The following JPH4 variants were observed in gnomAD, a reference collection of about 807,000 sequenced individuals.
JPH4 encodes junctophilin 4, also known as junctophilin-4.
JPH4 carries 18 observed loss-of-function variants against 57.6 expected under a neutral mutation model. The ratio of observed to expected loss-of-function variants is 0.31; its 90% CI spans 0.22 to 0.46. The LOEUF is 0.46. Ranked by LOEUF, JPH4 falls within the 20% of genes least tolerant of loss-of-function variation. The probability of loss-of-function intolerance (pLI) is 1.00; values close to 1 mark genes in which losing one functional copy is unlikely to be tolerated. For synonymous variants in JPH4, 425 were observed against 406.6 expected, an observed-to-expected ratio of 1.05 and a Z score of -0.54; for missense variants, 727 against 911.1, an observed-to-expected ratio of 0.80 and a Z score of 2.60.
rs981112886 is a variant in JPH4 at position 23,576,377 on chromosome 14, C to T, written c.459G>A (p.Ala153=). ...VRQSVPYHQA[A]LLRSPRRTSL... ...AGGTGCGGCGGGGCGAGCGCAGCAGCGCCGCCTGATGGTAGGGCACACTCT... is the reference window on the plus strand; with the variant it reads ...AGGTGCGGCGGGGCGAGCGCAGCAGTGCCGCCTGATGGTAGGGCACACTCT... The change falls in exon 3 of 6, where the codon GCG becomes GCA. Residue 153 remains alanine, a synonymous_variant. Coordinates refer to ENST00000356300, the MANE Select transcript of JPH4 (RefSeq NM_001146028.2). The surrounding 1 kb of genome is among the most constrained non-coding windows in gnomAD (Gnocchi z 8.0). 5.1e-6 allele frequency: 7 copies of T among 1,369,248 alleles called. No individual in the cohort carries two copies. Among genetic ancestry groups the T allele is most frequent in the Non-Finnish European group, 5.6e-6 (6 of 1,066,018 alleles). The allele number at this position is 1,369,248 out of a possible 1,614,324, so 84.8% of individuals were successfully genotyped here. A position where few individuals can be genotyped will look rare whatever the true frequency, so the allele number is the denominator to read the frequency against.
At chr14:23,572,031 T>C in intron 3 of JPH4, 111 bp from the exon 4 acceptor site, 1 of 893,906 alleles carries the variant, frequency 1.1e-6, no homozygotes, top group East Asian at 2.6e-5. Flanking sequence ...CATCCTCCTC[T>C]CCTCTGGAGT....
In JPH4 at chr14:23,573,569, T is replaced by C. The variant is rs780792553; in HGVS notation, c.1152-1649A>G. Among the ~76,000 whole-genome samples the C allele has an allele frequency of 3.3e-5, 5 of 152,192 alleles. No individual in the cohort carries two copies. The East Asian group carries it at 9.6e-4, about 29-fold the overall frequency. Reference sequence around the variant, plus strand: ...GTATGGATGATCAAGTCCCACACAGTAGACTTAGTCTGTGCTCAGGCATCA... The same window carrying C: ...GTATGGATGATCAAGTCCCACACAGCAGACTTAGTCTGTGCTCAGGCATCA... On this transcript the variant is annotated intron_variant, in intron 3 of 5. Coordinates refer to ENST00000356300, the MANE Select transcript of JPH4 (RefSeq NM_001146028.2).
chr14:23,569,276 G>A lies in JPH4; in HGVS notation c.*358C>T, dbSNP rs895650332. 6.7e-6 allele frequency: 2 copies of A among 298,716 alleles called. No homozygotes were observed. Among genetic ancestry groups the A allele is most frequent in the East Asian group, 1.1e-4 (1 of 9,124 alleles). The allele number at this position is 298,716 out of a possible 1,614,324, so 18.5% of individuals were successfully genotyped here. ...AACCCCCACCCGCAGCGAAGTTGAGGTCTAAAGAAAAGGTGGGAGGGCGTG... is the reference window on the plus strand; with the variant it reads ...AACCCCCACCCGCAGCGAAGTTGAGATCTAAAGAAAAGGTGGGAGGGCGTG... On this transcript the variant is annotated 3_prime_UTR_variant, in exon 6 of 6. Transcript: ENST00000356300. This position sits in a 1 kb window ranked among gnomAD's most constrained non-coding sequence, Gnocchi z 4.8.
chr14:23,576,304 G>C lies in JPH4; in HGVS notation c.532C>G (p.Pro178Ala). ...CTGCCTCCCTCGTCGCCCGGCAAGG[G>C]CAGGGGCGGGGGTGGCGTCGGGGGG... ...SDPPTPPPPL[P>A]LPGDEGGSPA... The change falls in exon 3 of 6, where the codon CCC becomes GCC. Residue 178 changes from proline to alanine, a missense_variant. By Grantham distance (27) the Pro-to-Ala change is conservative (BLOSUM62 -1). Transcript: ENST00000356300. This position sits in a 1 kb window ranked among gnomAD's most constrained non-coding sequence, Gnocchi z 8.0. 1 of 1,283,080 alleles carries C rather than the reference G, an allele frequency of 7.8e-7. No homozygotes were observed. The allele number at this position is 1,283,080 out of a possible 1,614,324, so 79.5% of individuals were successfully genotyped here.
In JPH4 at chr14:23,576,275, G is replaced by T. The variant is rs1209762534; in HGVS notation, c.561C>A (p.Pro187=). 26 of 1,264,740 alleles carry T rather than the reference G, an allele frequency of 2.1e-5. No homozygotes were observed. Among genetic ancestry groups the T allele is most frequent in the East Asian group, 3.2e-5 (1 of 31,700 alleles). The allele number at this position is 1,264,740 out of a possible 1,614,324, so 78.3% of individuals were successfully genotyped here. ...LPLPGDEGGS[P]ASGSRGGFVL... The stretch of plus-strand genomic sequence containing the variant: ...CGAAGCCGCCCCGGGAGCCCGAGGC[G>T]GGGCTGCCTCCCTCGTCGCCCGGCA... The change falls in exon 3 of 6, where the codon CCC becomes CCA. Residue 187 remains proline (P), a synonymous_variant. Coordinates refer to ENST00000356300, the MANE Select transcript of JPH4 (RefSeq NM_001146028.2). This position sits in a 1 kb window ranked among gnomAD's most constrained non-coding sequence, Gnocchi z 8.0.
In JPH4 at chr14:23,577,563, A is replaced by C; in HGVS notation, c.-110T>G. On this transcript the variant is annotated 5_prime_UTR_variant, in exon 2 of 6. Coordinates refer to ENST00000356300, the MANE Select transcript of JPH4 (RefSeq NM_001146028.2). The surrounding 1 kb of genome is among the most constrained non-coding windows in gnomAD (Gnocchi z 8.4). ...GAGGCCTCGGGGCGGGGGCAGTTAG[A>C]CCGGGGCCGGGCGGGGGGGCCCCAG... 3.8e-5 allele frequency: 33 copies of C among 861,156 alleles called. No homozygotes were observed. Among genetic ancestry groups the C allele is most frequent in the Non-Finnish European group, 5.1e-5 (32 of 621,508 alleles). 53.3% of individuals were successfully genotyped at this position (861,156 alleles called of 1,614,324 possible).
At position 23,576,802 on chromosome 14, in the gene JPH4, G is replaced by T. The variant is rs1348080098; in HGVS notation, c.379+273C>A. On this transcript the variant is annotated intron_variant, in intron 2 of 5. Coordinates refer to ENST00000356300, the MANE Select transcript of JPH4 (RefSeq NM_001146028.2). This position sits in a 1 kb window ranked among gnomAD's most constrained non-coding sequence, Gnocchi z 8.0. ...GAGGGGCACGCCGACCCGACGGAGA[G>T]CAGAGGTGTTGGGGACAGGCAGGTA... 6.6e-6 allele frequency among the ~76,000 whole-genome samples: 1 copy of T among 152,224 alleles called. No homozygotes were observed. Among genetic ancestry groups the T allele is most frequent in the Non-Finnish European group, 1.5e-5 (1 of 68,036 alleles).
chr14:23,576,274 C>T lies in JPH4; in HGVS notation c.562G>A (p.Ala188Thr). 1 of 1,265,362 alleles carries T rather than the reference C, an allele frequency of 7.9e-7. No individual in the cohort carries two copies. Among genetic ancestry groups the T allele is most frequent in the South Asian group, 2.9e-5 (1 of 34,206 alleles). 78.4% of individuals were successfully genotyped at this position (1,265,362 alleles called of 1,614,324 possible). Reference sequence around the variant, plus strand: ...ACGAAGCCGCCCCGGGAGCCCGAGGCGGGGCTGCCTCCCTCGTCGCCCGGC... The same window carrying T: ...ACGAAGCCGCCCCGGGAGCCCGAGGTGGGGCTGCCTCCCTCGTCGCCCGGC... ...PLPGDEGGSP[A>T]SGSRGGFVLA... The change falls in exon 3 of 6, where the codon GCC becomes ACC. Residue 188 changes from alanine (A) to threonine (T), a missense_variant. Coordinates refer to ENST00000356300, the MANE Select transcript of JPH4 (RefSeq NM_001146028.2). The surrounding 1 kb of genome is among the most constrained non-coding windows in gnomAD (Gnocchi z 8.0).
At chr14:23,572,297 T>A (rs1889172279) in intron 3 of JPH4, among the ~76,000 whole-genome samples, 1 of 151,892 alleles carries the variant, frequency 6.6e-6, no homozygotes, top group Admixed American at 6.6e-5. Flanking sequence ...TTTTAGCACA[T>A]CCCCTGCAGT....
Position 23,576,103 on chromosome 14 carries a change from GCAGGGAGCCTCGCTTGCTGCC to G in JPH4, c.712_732del (p.Gly238_Leu244del). The G allele has an allele frequency of 7.7e-7, 1 of 1,300,016 alleles. No homozygotes were observed. The highest frequency in any genetic ancestry group is 2.3e-5 in the South Asian group (1 of 43,138). The allele number at this position is 1,300,016 out of a possible 1,614,324, so 80.5% of individuals were successfully genotyped here. ...CCCACCTCGCTGCTCACCTCGCTGC[GCAGGGAGCCTCGCTTGCTGCC>G]CAGGGAGCTGCGACGTCCGCCCGCT... On this transcript the variant is annotated inframe_deletion, in exon 3 of 6. Transcript: ENST00000356300. This position sits in a 1 kb window ranked among gnomAD's most constrained non-coding sequence, Gnocchi z 8.0.
In JPH4 at chr14:23,571,734, C is replaced by A; in HGVS notation, c.1270+68G>T. Reference sequence around the variant, plus strand: ...CCCTTGCAGGGCTTCTCATCTGTTTCCCCACACCTGAGCCTCTCTAGCTCC... The same window carrying A: ...CCCTTGCAGGGCTTCTCATCTGTTTACCCACACCTGAGCCTCTCTAGCTCC... On this transcript the variant is annotated intron_variant, in intron 4 of 5. Transcript: ENST00000356300. The surrounding 1 kb of genome is among the most constrained non-coding windows in gnomAD (Gnocchi z 4.6). 7.1e-7 allele frequency: 1 copy of A among 1,412,596 alleles called. No homozygotes were observed. Among genetic ancestry groups the A allele is most frequent in the Non-Finnish European group, 9.9e-7 (1 of 1,010,784 alleles). The allele number at this position is 1,412,596 out of a possible 1,614,324, so 87.5% of individuals were successfully genotyped here. A position where few individuals can be genotyped will look rare whatever the true frequency, so the allele number is the denominator to read the frequency against.
In JPH4 at chr14:23,577,029, G is replaced by A. The variant is rs755277070; in HGVS notation, c.379+46C>T. The A allele has an allele frequency of 3.4e-6, 5 of 1,454,044 alleles. No homozygotes were observed. Among genetic ancestry groups the A allele is most frequent in the Non-Finnish European group, 4.5e-6 (5 of 1,108,518 alleles). The allele number at this position is 1,454,044 out of a possible 1,614,324, so 90.1% of individuals were successfully genotyped here. A position where few individuals can be genotyped will look rare whatever the true frequency, so the allele number is the denominator to read the frequency against. On this transcript the variant is annotated intron_variant, in intron 2 of 5. Coordinates refer to ENST00000356300, the MANE Select transcript of JPH4 (RefSeq NM_001146028.2). The surrounding 1 kb of genome is among the most constrained non-coding windows in gnomAD (Gnocchi z 8.4). Reference sequence around the variant, plus strand: ...GGGCGAAGGCCCAAGGCTGGGGAAGGCGCACGCGGACGAGCAGACAGACAC... The same window carrying A: ...GGGCGAAGGCCCAAGGCTGGGGAAGACGCACGCGGACGAGCAGACAGACAC...
At chr14:23,573,385 T>C (rs1889198947) in intron 3 of JPH4, among the ~76,000 whole-genome samples, 1 of 152,208 alleles carries the variant, frequency 6.6e-6, no homozygotes, top group Non-Finnish European at 1.5e-5. Context: ...GTCTCCTGCC[T>C]CTGGCCCTTC....
intron 3 of JPH4, among the ~76,000 whole-genome samples, chr14:23,573,968 A>ACACACACACG (rs1889212116): frequency 6.6e-6 from 1 of 150,956 alleles, no homozygotes; most frequent in African/African-American, 2.4e-5. Flanking sequence ...ACACACACAC[A>ACACACACACG]CGCACTCTCA....
chr14:23,576,236 G>A lies in JPH4; in HGVS notation c.600C>T (p.Pro200=). The change falls in exon 3 of 6, where the codon CCC becomes CCT. Residue 200 remains proline (P), a synonymous_variant. Coordinates refer to ENST00000356300, the MANE Select transcript of JPH4 (RefSeq NM_001146028.2). The surrounding 1 kb of genome is among the most constrained non-coding windows in gnomAD (Gnocchi z 8.0). The part of the protein sequence containing the change: ...GSRGGFVLAG[P]GDADGASSRK... The stretch of plus-strand genomic sequence containing the variant: ...GGGACGACGCGCCGTCGGCGTCCCC[G>A]GGCCCGGCCAGCACGAAGCCGCCCC... The A allele has an allele frequency of 2.4e-6, 3 of 1,270,852 alleles. No homozygotes were observed. The highest frequency in any genetic ancestry group is 2.8e-5 in the South Asian group (1 of 36,002). The allele number at this position is 1,270,852 out of a possible 1,614,324, so 78.7% of individuals were successfully genotyped here.
In JPH4 at chr14:23,571,695, T is replaced by C; in HGVS notation, c.1270+107A>G. ...CCTTGCACCCTCATTCCTTGTTTTT[T>C]CCCATCCCCACTTCCCTTGCAGGGC... On this transcript the variant is annotated intron_variant, in intron 4 of 5. Coordinates refer to ENST00000356300, the MANE Select transcript of JPH4 (RefSeq NM_001146028.2). The surrounding 1 kb of genome is among the most constrained non-coding windows in gnomAD (Gnocchi z 4.6). 1.7e-6 allele frequency: 2 copies of C among 1,173,576 alleles called. No individual in the cohort carries two copies. The highest frequency in any genetic ancestry group is 2.5e-6 in the Non-Finnish European group (2 of 815,664). The allele number at this position is 1,173,576 out of a possible 1,614,324, so 72.7% of individuals were successfully genotyped here.
chr14:23,570,997 C>G lies in JPH4; in HGVS notation c.1734G>C (p.Arg578Ser), dbSNP rs201953366. Reference protein sequence around the residue: ...AMLVLRGSSSRGPDAGCLTEE... With the variant: ...AMLVLRGSSSSGPDAGCLTEE... ...CTGTCAGGCACCCAGCATCAGGACC[C>G]CTCGAGGACGAGCCCCTCAGGACCA... The change falls in exon 5 of 6, where the codon AGG becomes AGC. Residue 578 changes from arginine to serine, a missense_variant. Physicochemically the swap from Arg to Ser is moderately radical, Grantham distance 110 (BLOSUM62 -1). Around this residue, in one of 7 missense-constraint regions of JPH4, gnomAD observed 293 missense variants for 279.8 expected, o/e 1.05. Transcript: ENST00000356300. 2.6e-5 allele frequency: 41 copies of G among 1,552,198 alleles called. No individual in the cohort carries two copies. The Admixed American group carries it at 2.7e-4, about 10-fold the overall frequency.
In JPH4 at chr14:23,577,044, C is replaced by A; in HGVS notation, c.379+31G>T. 1 of 1,479,896 alleles carries A rather than the reference C, an allele frequency of 6.8e-7. No individual in the cohort carries two copies. The highest frequency in any genetic ancestry group is 2.1e-5 in the Admixed American group (1 of 47,020). 91.7% of individuals were successfully genotyped at this position (1,479,896 alleles called of 1,614,324 possible). On this transcript the variant is annotated intron_variant, in intron 2 of 5. Coordinates refer to ENST00000356300, the MANE Select transcript of JPH4 (RefSeq NM_001146028.2). This position sits in a 1 kb window ranked among gnomAD's most constrained non-coding sequence, Gnocchi z 8.4. ...GCTGGGGAAGGCGCACGCGGACGAG[C>A]AGACAGACACTGGTGGGCCGGGCCC...
At position 23,575,501 on chromosome 14, in the gene JPH4, C is replaced by T. The variant is rs1327632966; in HGVS notation, c.1151+184G>A. On this transcript the variant is annotated intron_variant, in intron 3 of 5. Transcript: ENST00000356300. This position sits in a 1 kb window ranked among gnomAD's most constrained non-coding sequence, Gnocchi z 6.9. ...ACCCAGCTATCCAGAGTTACACCCA[C>T]ATCCACCTGTAGCCTCGGATATAAA... 1.6e-5 allele frequency: 11 copies of T among 692,882 alleles called. No individual in the cohort carries two copies. The highest frequency in any genetic ancestry group is 2.4e-5 in the Non-Finnish European group (10 of 417,900). 42.9% of individuals were successfully genotyped at this position (692,882 alleles called of 1,614,324 possible). A position where few individuals can be genotyped will look rare whatever the true frequency, so the allele number is the denominator to read the frequency against.
Sources: gnomAD v4.1 joint callset for allele counts (sites outside exome capture counted in the v4.1 genomes callset) on GRCh38, gnomAD v4.1.1 for gene constraint, gnomAD v4.1.1 regional missense constraint, Gnocchi (gnomAD v3.1) non-coding constraint, MANE v1.5 for transcripts, NCBI Gene and HGNC (gene_info 2026-07-23, HGNC 2026-07-21) for gene names.